Variants in CSMD3 observed in about 807,000 individuals in gnomAD.
The protein encoded by CSMD3 is CUB and sushi domain-containing protein 3.
A neutral mutation model predicts 435.2 loss-of-function variants in CSMD3; 177 were observed. That is an observed-to-expected ratio of 0.41 (90% CI 0.36 to 0.46). The LOEUF (loss-of-function observed/expected upper bound fraction) is 0.46, where lower values mean the gene tolerates loss of function less well. Ranked by LOEUF, CSMD3 falls within the 20% of genes least tolerant of loss-of-function variation. CSMD3 has a pLI of 0.34. For missense variants in CSMD3, 4,265 were observed against 4,504.6 expected, an observed-to-expected ratio of 0.95 and a Z score of 1.52; for synonymous variants, 1,656 against 1,520.5, an observed-to-expected ratio of 1.09 and a Z score of -2.07.
At chr8:112,414,360 A>G (rs1479703279) in intron 32 of CSMD3, among the ~76,000 whole-genome samples, 2 of 152,106 alleles carry the variant, frequency 1.3e-5, no homozygotes, top group East Asian at 3.9e-4. Flanking sequence ...TGATGGCTTT[A>G]TAAGCATCTG....
chr8:112,565,754 A>G (rs954562869), intron 24 of CSMD3, among the ~76,000 whole-genome samples: 1 of 152,138 alleles, frequency 6.6e-6, no homozygotes, highest in South Asian at 2.1e-4. Flanking sequence ...TAATCCATCA[A>G]TAAGTTGCAA....
chr8:113,198,956 ATTTC>A (rs2092689547), intron 3 of CSMD3, among the ~76,000 whole-genome samples: 1 of 151,234 alleles, frequency 6.6e-6, no homozygotes, highest in Non-Finnish European at 1.5e-5. Context: ...GAAATAAATT[ATTTC>A]TTTCTAATTT....
chr8:112,646,158 A>C (rs2074973646), intron 19 of CSMD3, among the ~76,000 whole-genome samples: 1 of 152,214 alleles, frequency 6.6e-6, no homozygotes, highest in African/African-American at 2.4e-5. Context: ...TGTATGATGA[A>C]TGAAATGTCT....
intron 5 of CSMD3, among the ~76,000 whole-genome samples, chr8:113,050,115 A>G (rs963094818): frequency 1.3e-5 from 2 of 152,112 alleles, no homozygotes; most frequent in African/African-American, 4.8e-5. Context: ...TAAAATAGAT[A>G]TTTAAACATA....
At chr8:113,172,445 T>C (rs1469309545) in intron 4 of CSMD3, among the ~76,000 whole-genome samples, 3 of 152,192 alleles carry the variant, frequency 2.0e-5, no homozygotes, top group Non-Finnish European at 2.9e-5. Context: ...GTAGCCGTAG[T>C]AGTTGAAGCA....
chr8:112,649,037 T>G (rs1396341297), intron 19 of CSMD3, among the ~76,000 whole-genome samples: 1 of 152,192 alleles, frequency 6.6e-6, no homozygotes, highest in Admixed American at 6.5e-5. Context: ...GCTATCAACT[T>G]CCATCTGCCT....
intron 61 of CSMD3, among the ~76,000 whole-genome samples, chr8:112,257,841 G>A (rs367683288): frequency 5.3e-5 from 8 of 152,090 alleles, no homozygotes; most frequent in African/African-American, 1.2e-4. Context: ...TAAGCAAGAA[G>A]AACAAAACTG....
chr8:113,125,469 A>G (rs2091099711), intron 4 of CSMD3, among the ~76,000 whole-genome samples: 1 of 151,988 alleles, frequency 6.6e-6, no homozygotes, highest in Non-Finnish European at 1.5e-5. Context: ...TTGTTACAGT[A>G]CATGGGAAAT....
At chr8:112,333,803 A>G (rs1283385766) in intron 45 of CSMD3, among the ~76,000 whole-genome samples, 1 of 152,140 alleles carries the variant, frequency 6.6e-6, no homozygotes, top group African/African-American at 2.4e-5. Flanking sequence ...ATAGTTCATC[A>G]ATGAATAGTC....
chr8:113,107,261 A>C (rs2090507483), intron 4 of CSMD3, among the ~76,000 whole-genome samples: 1 of 152,224 alleles, frequency 6.6e-6, no homozygotes, highest in Non-Finnish European at 1.5e-5. Context: ...TGGGTCATGC[A>C]AACGGCATTA....
chr8:112,729,412 CAAT>C (rs2077030749), intron 13 of CSMD3, among the ~76,000 whole-genome samples: 1 of 151,766 alleles, frequency 6.6e-6, no homozygotes, highest in Admixed American at 6.6e-5. Context: ...TTTGAGTGGT[CAAT>C]GATGATGGAG....
rs530087990 is a variant in CSMD3 at position 113,307,525 on chromosome 8, T to C, written c.401+7046A>G. On this transcript the variant is annotated intron_variant, in intron 2 of 70. Transcript: ENST00000297405. ...ACTAACAAAATATAATATTAATAAT[T>C]TGGACTTTGTTAAAATTAGAAACCT... Among the ~76,000 whole-genome samples, 94 of 152,248 alleles carry C rather than the reference T, an allele frequency of 6.2e-4. No individual in the cohort carries two copies. The Middle Eastern group carries it at 0.01, about 17-fold the overall frequency.
At chr8:113,126,936 TC>T (rs1212145904) in intron 4 of CSMD3, among the ~76,000 whole-genome samples, 1 of 152,022 alleles carries the variant, frequency 6.6e-6, no homozygotes, top group Non-Finnish European at 1.5e-5. Flanking sequence ...CTTGTTTTTT[TC>T]ATTAACTACA....
chr8:113,284,941 A>G (rs936642441), intron 2 of CSMD3, among the ~76,000 whole-genome samples: 2 of 152,176 alleles, frequency 1.3e-5, no homozygotes, highest in African/African-American at 4.8e-5. Context: ...CTCAGGAATG[A>G]TAAGTAAATT....
At chr8:113,224,730 A>G (rs1236864425) in intron 3 of CSMD3, among the ~76,000 whole-genome samples, 1 of 151,228 alleles carries the variant, frequency 6.6e-6, no homozygotes, top group Non-Finnish European at 1.5e-5. Context: ...TGTGTCTTCC[A>G]ACATTCACAG....
At chr8:112,929,139 G>T (rs1415758325) in intron 9 of CSMD3, among the ~76,000 whole-genome samples, 2 of 144,756 alleles carry the variant, frequency 1.4e-5, no homozygotes, top group Non-Finnish European at 3.0e-5. Context: ...GGGGTTGTTT[G>T]TTTTTTCTTG....
chr8:112,980,172 T>G (rs2084997679), intron 6 of CSMD3, among the ~76,000 whole-genome samples: 1 of 150,700 alleles, frequency 6.6e-6, no homozygotes, highest in South Asian at 2.1e-4. Flanking sequence ...ATTAAATTTT[T>G]TGTCCTATAG....
At chr8:112,365,463 A>G (rs1366184851) in intron 38 of CSMD3, among the ~76,000 whole-genome samples, 2 of 129,686 alleles carry the variant, frequency 1.5e-5, no homozygotes. Context: ...TTACGCATAG[A>G]TTTCCTTTTT....
At chr8:112,600,344 T>C (rs995676271) in intron 22 of CSMD3, among the ~76,000 whole-genome samples, 14 of 152,124 alleles carry the variant, frequency 9.2e-5, no homozygotes, top group African/African-American at 3.4e-4. Context: ...GATTGCTTTG[T>C]TTTCATTATT....
Sources: allele counts gnomAD v4.1 joint callset (sites outside exome capture counted in the v4.1 genomes callset), GRCh38; gene constraint gnomAD v4.1.1; transcripts MANE v1.5; gene names NCBI Gene and HGNC (gene_info 2026-07-23, HGNC 2026-07-21).